The following RNASEH2B variants were observed in gnomAD, a reference collection of about 807,000 sequenced individuals.
RNASEH2B encodes the protein ribonuclease H2 subunit B.
In RNASEH2B, 36 loss-of-function variants were observed where a neutral mutation model predicts 45.0. The ratio of observed to expected loss-of-function variants is 0.80; its 90% CI spans 0.61 to 1.06. The LOEUF (loss-of-function observed/expected upper bound fraction) is 1.06. RNASEH2B is among the 50% of genes least tolerant of loss of function. The pLI is 0.00. For missense variants in RNASEH2B, 361 were observed against 360.3 expected, an observed-to-expected ratio of 1.00 and a Z score of -0.02; for synonymous variants, 119 against 125.7, an observed-to-expected ratio of 0.95 and a Z score of 0.35.
At position 50,910,026 on chromosome 13, in the gene RNASEH2B, G is replaced by C. The variant is rs1879247836; in HGVS notation, c.-51G>C. ...CCCGCCATTTTCGGCGGGGCTGGGA[G>C]ACTGAGGCCCGCGGCGCTGAGCCTG... On this transcript the variant is annotated 5_prime_UTR_variant, in exon 1 of 11. Coordinates refer to ENST00000336617, the MANE Select transcript of RNASEH2B (RefSeq NM_024570.4). The C allele has an allele frequency of 7.0e-7, 1 of 1,437,454 alleles. No individual in the cohort carries two copies. The allele number at this position is 1,437,454 out of a possible 1,614,324, so 89.0% of individuals were successfully genotyped here.
intron 9 of RNASEH2B, chr13:50,950,973 A>G (rs1330789572): frequency 1.3e-5 from 2 of 152,212 alleles, no homozygotes; most frequent in African/African-American, 2.4e-5. Flanking sequence ...CAGCTACTCA[A>G]CTCTGCTGTT....
intron 1 of RNASEH2B, chr13:50,911,347 T>G (rs1879383275): frequency 6.6e-6 from 1 of 152,286 alleles, no homozygotes; most frequent in Non-Finnish European, 1.5e-5. Context: ...AGTTTTTTCA[T>G]TGCTGCTTCT....
intron 9 of RNASEH2B, among the ~76,000 whole-genome samples, chr13:50,963,809 C>G (rs1213272549): frequency 2.6e-5 from 4 of 152,192 alleles, no homozygotes; most frequent in Non-Finnish European, 4.4e-5. Flanking sequence ...ATTGTACTTT[C>G]ACCTATCTTT....
chr13:50,913,036 A>G (rs1305935486), intron 1 of RNASEH2B: 1 of 152,256 alleles, frequency 6.6e-6, no homozygotes, highest in Non-Finnish European at 1.5e-5. Flanking sequence ...CAGATAAACA[A>G]ATCTGGAACT....
At chr13:50,947,844 A>G (rs1370885749) in intron 7 of RNASEH2B, 143 bp from the exon 8 acceptor site, 3 of 1,353,998 alleles carry the variant, frequency 2.2e-6, no homozygotes, top group Non-Finnish European at 3.0e-6. Flanking sequence ...CCATTTTACA[A>G]ATGAGAAAAC....
chr13:50,918,238 C>T (rs150542599), intron 1 of RNASEH2B, among the ~76,000 whole-genome samples: 7,616 of 152,116 alleles, frequency 0.05, 253 homozygotes, highest in Non-Finnish European at 0.077. Flanking sequence ...CCCAGGTTCA[C>T]GCCATTCTCC....
chr13:50,952,835 A>G (rs531149728), intron 9 of RNASEH2B: 10 of 152,350 alleles, frequency 6.6e-5, no homozygotes, highest in African/African-American at 2.2e-4. Context: ...AGGTTTTCCT[A>G]TAGTGTGTGG....
At chr13:50,927,222 G>T in intron 1 of RNASEH2B, 185 bp from the exon 2 acceptor site, 1 of 523,210 alleles carries the variant, frequency 1.9e-6, no homozygotes, top group Non-Finnish European at 3.5e-6. Context: ...TAAACTACCT[G>T]AAATTCAACT....
intron 1 of RNASEH2B, among the ~76,000 whole-genome samples, chr13:50,917,663 T>C (rs1363735946): frequency 6.6e-6 from 1 of 152,158 alleles, no homozygotes; most frequent in Non-Finnish European, 1.5e-5. Flanking sequence ...CAACATACAA[T>C]AGAAATCCAG....
downstream of RNASEH2B, among the ~76,000 whole-genome samples, chr13:50,961,521 T>G (rs1952110655): frequency 6.6e-6 from 1 of 152,136 alleles, no homozygotes; most frequent in African/African-American, 2.4e-5. Flanking sequence ...TTGGGTATGT[T>G]TCTATCATTC....
chr13:50,969,109 T>G (rs1023839000), intron 9 of RNASEH2B, among the ~76,000 whole-genome samples: 1 of 152,182 alleles, frequency 6.6e-6, no homozygotes, highest in African/African-American at 2.4e-5. Context: ...AATGCGGATA[T>G]CAACATGGCA....
At chr13:50,910,177 G>A in intron 1 of RNASEH2B, 37 bp downstream of exon 1, 1 of 1,375,430 alleles carries the variant, frequency 7.3e-7, no homozygotes, top group Non-Finnish European at 9.4e-7. Flanking sequence ...GTCGGCCCAA[G>A]AACTGGCGGA....
At chr13:50,962,094 GT>G (rs571954420) in intron 9 of RNASEH2B, among the ~76,000 whole-genome samples, 1 of 152,088 alleles carries the variant, frequency 6.6e-6, no homozygotes, top group East Asian at 1.9e-4. Context: ...GTAGTATGGG[GT>G]TTTTTTCCTA....
intron 1 of RNASEH2B, among the ~76,000 whole-genome samples, chr13:50,921,850 G>GTTTGTGGGAT (rs1951527844): frequency 6.6e-6 from 1 of 152,192 alleles, no homozygotes; most frequent in Non-Finnish European, 1.5e-5. Flanking sequence ...GAACAGCAGG[G>GTTTGTGGGAT]TTTGTGGGAT....
chr13:50,946,291 T>C (rs1185182878), intron 7 of RNASEH2B, among the ~76,000 whole-genome samples: 3 of 152,356 alleles, frequency 2.0e-5, no homozygotes, highest in Non-Finnish European at 4.4e-5. Flanking sequence ...TCCAATTCAT[T>C]GTTCCCTTAT....
intron 1 of RNASEH2B, 147 bp downstream of exon 1, chr13:50,910,287 T>A (rs1593440216): frequency 2.0e-6 from 1 of 509,092 alleles, no homozygotes; most frequent in East Asian, 3.7e-5. Flanking sequence ...GGCCCCGCAT[T>A]TTGGTCACAC....
At chr13:50,927,595 C>A in intron 2 of RNASEH2B, 117 bp downstream of exon 2, 1 of 729,064 alleles carries the variant, frequency 1.4e-6, no homozygotes, top group Non-Finnish European at 2.5e-6. Flanking sequence ...AAGATGGCAC[C>A]GTGAGGAGAA....
At chr13:50,937,996 TC>T (rs1345881562) in intron 5 of RNASEH2B, 1 of 152,220 alleles carries the variant, frequency 6.6e-6, no homozygotes, top group Non-Finnish European at 1.5e-5. Context: ...AGTACAACTG[TC>T]TTTATTCATA....
rs569277085 is a variant in RNASEH2B at position 50,935,428 on chromosome 13, G to A, written c.436+429G>A. ...CTAAGCTCTAGATACTTATGAATAA[G>A]ACATTGTCCTTTTCTTCACTTTGCG... On this transcript the variant is annotated intron_variant, in intron 5 of 10. Transcript: ENST00000336617. 3.0e-5 allele frequency: 6 copies of A among 202,852 alleles called. No homozygotes were observed. In the South Asian group the frequency reaches 5.1e-4, roughly 17 times the overall value. The allele number at this position is 202,852 out of a possible 1,614,324, so 12.6% of individuals were successfully genotyped here. A position where few individuals can be genotyped will look rare whatever the true frequency, so the allele number is the denominator to read the frequency against.
Sources: allele counts gnomAD v4.1 joint callset (sites outside exome capture counted in the v4.1 genomes callset), GRCh38; gene constraint gnomAD v4.1.1; transcripts MANE v1.5; gene names NCBI Gene and HGNC (gene_info 2026-07-23, HGNC 2026-07-21).